The following DEPDC1B variants were observed in gnomAD, a reference collection of about 807,000 sequenced individuals.
DEPDC1B encodes DEP domain-containing protein 1B.
A neutral mutation model predicts 66.5 loss-of-function variants in DEPDC1B; 51 were observed. The observed-to-expected ratio is 0.77, with a 90% confidence interval of 0.61 to 0.97. DEPDC1B has a LOEUF of 0.97. Ranked by LOEUF, DEPDC1B falls within the 50% of genes least tolerant of loss-of-function variation. DEPDC1B has a pLI of 0.00. For synonymous variants in DEPDC1B, 226 were observed against 223.6 expected, an observed-to-expected ratio of 1.01 and a Z score of -0.10; for missense variants, 552 against 637.1, an observed-to-expected ratio of 0.87 and a Z score of 1.44.
At chr5:60,634,739 T>C (rs1478163632) in intron 7 of DEPDC1B, among the ~76,000 whole-genome samples, 1 of 151,754 alleles carries the variant, frequency 6.6e-6, no homozygotes, top group African/African-American at 2.4e-5. Flanking sequence ...GTGTATTTAG[T>C]TACAGCCAGG....
intron 7 of DEPDC1B, among the ~76,000 whole-genome samples, chr5:60,610,007 C>A (rs1371403331): frequency 6.6e-6 from 1 of 151,980 alleles, no homozygotes; most frequent in Non-Finnish European, 1.5e-5. Context: ...TCCCCTCTGC[C>A]CTACTGGAAT....
At chr5:60,641,966 C>G (rs146719494) in intron 6 of DEPDC1B, among the ~76,000 whole-genome samples, 1 of 152,146 alleles carries the variant, frequency 6.6e-6, no homozygotes, top group Non-Finnish European at 1.5e-5. Context: ...TATTCAAAAT[C>G]ATAGGATCAT....
chr5:60,660,152 GGAGA>G (rs901073316), intron 2 of DEPDC1B, among the ~76,000 whole-genome samples: 3 of 151,312 alleles, frequency 2.0e-5, no homozygotes, highest in East Asian at 3.9e-4. Context: ...ATAGAGAGGA[GGAGA>G]GAGAGAGAGA....
In DEPDC1B at chr5:60,687,111, C is replaced by T. The variant is rs560253682; in HGVS notation, c.165G>A (p.Glu55=). 2.4e-5 allele frequency: 39 copies of T among 1,614,220 alleles called. No homozygotes were observed. In the African/African-American group the frequency reaches 4.3e-4, roughly 18 times the overall value. The stretch of plus-strand genomic sequence containing the variant: ...CGAAGTTTTGACTGCACCTCAGCAG[C>T]TCATGCAGCCAATCCACAGCTTCGG... ...TAAEAVDWLH[E]LLRCSQNFGP... Residue 55 remains glutamate, a synonymous_variant, in exon 2 of 11, where the codon GAG becomes GAA. Coordinates refer to ENST00000265036, the MANE Select transcript of DEPDC1B (RefSeq NM_018369.3).
intron 2 of DEPDC1B, among the ~76,000 whole-genome samples, chr5:60,677,078 C>T (rs916527181): frequency 7.2e-5 from 11 of 151,952 alleles, no homozygotes; most frequent in African/African-American, 2.7e-4. Context: ...TTGTAAATTT[C>T]GAACCACATA....
chr5:60,687,177 A>AT lies in DEPDC1B; in HGVS notation c.98dup (p.His33GlnfsTer9). On this transcript the variant is annotated frameshift_variant, in exon 2 of 11. Transcript: ENST00000265036. LOFTEE classifies it high-confidence loss of function. ...GCTCATAGCTCTTGAAACGACAGCG[A>AT]TGTTTCCGTAACGGCATCTTAGCAC... is the stretch of plus-strand genomic sequence containing the variant. 1.2e-6 allele frequency: 2 copies of AT among 1,613,986 alleles called. No individual in the cohort carries two copies. The highest frequency in any genetic ancestry group is 1.7e-6 in the Non-Finnish European group (2 of 1,179,844).
At chr5:60,664,306 G>A (rs1202731792) in intron 2 of DEPDC1B, among the ~76,000 whole-genome samples, 2 of 152,242 alleles carry the variant, frequency 1.3e-5, no homozygotes, top group East Asian at 1.9e-4. Flanking sequence ...TTTACAGGTA[G>A]TGGCAGCAGT....
rs1224018603 is a variant in DEPDC1B at position 60,683,273 on chromosome 5, T to C, written c.314+3689A>G. ...GGCAAAACCCTGTCTCTACAAAATTTTTTAAAAAAATTAGCTGAGCATGTG... is the reference window on the plus strand; with the variant it reads ...GGCAAAACCCTGTCTCTACAAAATTCTTTAAAAAAATTAGCTGAGCATGTG... On this transcript the variant is annotated intron_variant, in intron 2 of 10. Coordinates refer to ENST00000265036, the MANE Select transcript of DEPDC1B (RefSeq NM_018369.3). Among the ~76,000 whole-genome samples, 3 of 151,912 alleles carry C rather than the reference T, an allele frequency of 2.0e-5. No homozygotes were observed. In the East Asian group the frequency reaches 5.8e-4, roughly 29 times the overall value.
intron 9 of DEPDC1B, among the ~76,000 whole-genome samples, chr5:60,600,047 A>C (rs1752173152): frequency 6.6e-6 from 1 of 152,190 alleles, no homozygotes; most frequent in Non-Finnish European, 1.5e-5. Flanking sequence ...AAACACATTG[A>C]CTAAAATGAT....
intron 1 of DEPDC1B, among the ~76,000 whole-genome samples, chr5:60,693,498 C>T (rs952756149): frequency 5.9e-5 from 9 of 152,112 alleles, no homozygotes; most frequent in Admixed American, 2.0e-4. Context: ...GTTAAAAATG[C>T]GTTCCTCAAA....
intron 2 of DEPDC1B, among the ~76,000 whole-genome samples, chr5:60,664,544 G>A (rs747389080): frequency 2.6e-5 from 4 of 152,202 alleles, no homozygotes; most frequent in African/African-American, 9.7e-5. Context: ...AGAAAAGATA[G>A]AACGTAACTG....
intron 7 of DEPDC1B, among the ~76,000 whole-genome samples, chr5:60,616,702 G>A (rs1396283887): frequency 1.3e-5 from 2 of 152,168 alleles, no homozygotes; most frequent in Non-Finnish European, 2.9e-5. Flanking sequence ...AACCAAGTTG[G>A]AAAAAACTCT....
intron 2 of DEPDC1B, among the ~76,000 whole-genome samples, chr5:60,684,085 G>GA (rs2112024423): frequency 6.6e-6 from 1 of 151,884 alleles, no homozygotes; most frequent in Non-Finnish European, 1.5e-5. Context: ...AAACCCTGTT[G>GA]AAAGAAATTG....
intron 1 of DEPDC1B, among the ~76,000 whole-genome samples, chr5:60,692,875 A>G (rs1443073438): frequency 6.6e-6 from 1 of 152,178 alleles, no homozygotes; most frequent in Non-Finnish European, 1.5e-5. Context: ...TATTGAGATG[A>G]ACAGGCCACA....
At chr5:60,683,321 A>G (rs1490670879) in intron 2 of DEPDC1B, among the ~76,000 whole-genome samples, 1 of 152,148 alleles carries the variant, frequency 6.6e-6, no homozygotes, top group Non-Finnish European at 1.5e-5. Context: ...AGTCCCTGCT[A>G]TGCAGGAGGC....
chr5:60,624,756 T>A (rs1752775135), intron 7 of DEPDC1B, among the ~76,000 whole-genome samples: 1 of 152,168 alleles, frequency 6.6e-6, no homozygotes, highest in Admixed American at 6.5e-5. Context: ...AGTTCTGGGG[T>A]ACATGTACAG....
intron 5 of DEPDC1B, among the ~76,000 whole-genome samples, chr5:60,643,227 A>G (rs1188584701): frequency 6.6e-6 from 1 of 152,214 alleles, no homozygotes; most frequent in African/African-American, 2.4e-5. Flanking sequence ...CGTCAAACAC[A>G]TTTGTGAAAC....
chr5:60,610,509 C>A (rs1009478001), intron 7 of DEPDC1B, among the ~76,000 whole-genome samples: 8 of 152,172 alleles, frequency 5.3e-5, no homozygotes, highest in African/African-American at 1.7e-4. Flanking sequence ...TTAAATTTGG[C>A]TCCGGGCCTC....
chr5:60,670,281 G>A (rs1027236000), intron 2 of DEPDC1B, among the ~76,000 whole-genome samples: 1 of 152,154 alleles, frequency 6.6e-6, no homozygotes, highest in African/African-American at 2.4e-5. Flanking sequence ...CTACTATGAG[G>A]CTAAGGCAGG....
Sources: allele counts gnomAD v4.1 joint callset (sites outside exome capture counted in the v4.1 genomes callset), GRCh38; gene constraint gnomAD v4.1.1; transcripts MANE v1.5; gene names NCBI Gene and HGNC (gene_info 2026-07-23, HGNC 2026-07-21).